Variants in PDE1C observed in about 807,000 individuals in gnomAD.
PDE1C encodes the protein phosphodiesterase 1C.
A neutral mutation model predicts 93.1 loss-of-function variants in PDE1C; 62 were observed. That is an observed-to-expected ratio of 0.67 (90% CI 0.54 to 0.82). PDE1C has a LOEUF of 0.82. Among genes scored for constraint, PDE1C ranks in the 40% least tolerant of loss-of-function variants. PDE1C has a pLI of 0.00. For synonymous variants in PDE1C, 325 were observed against 310.1 expected (o/e 1.05, Z -0.50); for missense variants, 742 against 884.6 (o/e 0.84, Z 2.04).
chr7:32,142,350 C>A (rs1250156947), intron 3 of PDE1C, among the ~76,000 whole-genome samples: 2 of 152,102 alleles, frequency 1.3e-5, no homozygotes, highest in Non-Finnish European at 2.9e-5. Flanking sequence ...GCAGTGCGGC[C>A]TGTGCACAGG....
chr7:32,075,232 A>G (rs190256436), upstream of PDE1C, among the ~76,000 whole-genome samples: 2 of 152,358 alleles, frequency 1.3e-5, no homozygotes. Flanking sequence ...TCTTTCAGCT[A>G]TGAGATGATG....
At chr7:32,206,072 G>A (rs116828945) in intron 2 of PDE1C, among the ~76,000 whole-genome samples, 487 of 152,160 alleles carry the variant, frequency 3.2e-3, no homozygotes, top group African/African-American at 0.011. Flanking sequence ...TTTTTAGAGG[G>A]GTAAGGTTAC....
the PDE1C span, chr7:31,696,884 G>A: frequency 4.8e-6 from 7 of 1,458,814 alleles, no homozygotes; most frequent in Non-Finnish European, 5.6e-6. Context: ...TTCACCAGAT[G>A]TCTATAAATA....
At chr7:31,667,761 G>T in the PDE1C span, among the ~76,000 whole-genome samples, 1 of 151,964 alleles carries the variant, frequency 6.6e-6, no homozygotes, top group African/African-American at 2.4e-5. Flanking sequence ...CTGTCATTGG[G>T]GTTGTAAGTT....
chr7:32,164,818 TC>T (rs1337682801), intron 3 of PDE1C, among the ~76,000 whole-genome samples: 1 of 152,188 alleles, frequency 6.6e-6, no homozygotes, highest in Non-Finnish European at 1.5e-5. Context: ...TTTCATGTTC[TC>T]TTGGGTCCTC....
chr7:32,269,034 C>G (rs1426983940), intron 1 of PDE1C, among the ~76,000 whole-genome samples: 1 of 152,230 alleles, frequency 6.6e-6, no homozygotes, highest in African/African-American at 2.4e-5. Flanking sequence ...ACTCAAGTCG[C>G]TCAAACTGAA....
chr7:32,179,215 A>G (rs532030878), intron 2 of PDE1C, among the ~76,000 whole-genome samples: 12 of 151,732 alleles, frequency 7.9e-5, no homozygotes, highest in African/African-American at 2.4e-4. Context: ...AATTTTTTAC[A>G]TAGGAAACAG....
chr7:31,675,058 A>G, the PDE1C span, among the ~76,000 whole-genome samples: 1 of 152,202 alleles, frequency 6.6e-6, no homozygotes, highest in African/African-American at 2.4e-5. Flanking sequence ...AAGACCATAG[A>G]GAGCCCCACT....
At chr7:32,277,837 C>T (rs1428837324) in intron 1 of PDE1C, among the ~76,000 whole-genome samples, 8 of 152,144 alleles carry the variant, frequency 5.3e-5, no homozygotes, top group Non-Finnish European at 1.2e-4. Context: ...TAGCACAACA[C>T]ATTTGTCTTA....
the PDE1C span, chr7:31,642,801 C>T: frequency 1.2e-6 from 2 of 1,613,984 alleles, no homozygotes; most frequent in Non-Finnish European, 1.7e-6. Context: ...GGCCAGATTC[C>T]AAAAGTAGGG....
chr7:32,397,300 T>C (rs1275274425), intron 1 of PDE1C, among the ~76,000 whole-genome samples: 1 of 152,088 alleles, frequency 6.6e-6, no homozygotes, highest in Non-Finnish European at 1.5e-5. Flanking sequence ...GTAAAAGACA[T>C]GAACAGAAAA....
At chr7:32,036,808 T>C (rs1372685468) in intron 2 of PDE1C, among the ~76,000 whole-genome samples, 1 of 152,154 alleles carries the variant, frequency 6.6e-6, no homozygotes, top group South Asian at 2.1e-4. Context: ...TATCCACATG[T>C]AGCTCCAGCA....
At chr7:32,125,718 G>C (rs1799536958) in intron 3 of PDE1C, among the ~76,000 whole-genome samples, 1 of 152,022 alleles carries the variant, frequency 6.6e-6, no homozygotes, top group Non-Finnish European at 1.5e-5. Flanking sequence ...GGGCCTGTTG[G>C]GGGTTGGGGG....
At chr7:32,392,514 C>T (rs557034421) in intron 1 of PDE1C, among the ~76,000 whole-genome samples, 4 of 152,002 alleles carry the variant, frequency 2.6e-5, no homozygotes, top group Admixed American at 6.6e-5. Context: ...CAATATCCCT[C>T]ATGAATAGAG....
intron 1 of PDE1C, among the ~76,000 whole-genome samples, chr7:32,344,285 A>G (rs1299762061): frequency 1.3e-5 from 2 of 152,146 alleles, no homozygotes; most frequent in Admixed American, 1.3e-4. Flanking sequence ...TATGCTGTCC[A>G]GGCTGGTCTC....
chr7:31,943,508 T>G (rs1434510404), intron 2 of PDE1C, among the ~76,000 whole-genome samples: 6 of 152,206 alleles, frequency 3.9e-5, no homozygotes, highest in African/African-American at 1.4e-4. Flanking sequence ...CCCATGGTAG[T>G]ATACCTAGAG....
intron 2 of PDE1C, among the ~76,000 whole-genome samples, chr7:32,022,411 G>C (rs1016493578): frequency 1.3e-5 from 2 of 151,988 alleles, no homozygotes; most frequent in Non-Finnish European, 2.9e-5. Flanking sequence ...CAACAGAGGA[G>C]GTAAGACTTG....
chr7:32,204,545 T>C (rs1265204761), intron 2 of PDE1C, among the ~76,000 whole-genome samples: 4 of 152,206 alleles, frequency 2.6e-5, no homozygotes, highest in African/African-American at 9.6e-5. Context: ...CAGCGTCTTT[T>C]ACGTCCTCTA....
At chr7:31,803,399 T>TTC (rs372230970) in intron 16 of PDE1C, among the ~76,000 whole-genome samples, 2,920 of 150,178 alleles carry the variant, frequency 0.019, 43 homozygotes, top group African/African-American at 0.041. Context: ...GCTTTTTCTT[T>TTC]TTATTATTAT....
Sources: gnomAD v4.1 joint callset for allele counts (sites outside exome capture counted in the v4.1 genomes callset) on GRCh38, gnomAD v4.1.1 for gene constraint, MANE v1.5 for transcripts, NCBI Gene and HGNC (gene_info 2026-07-23, HGNC 2026-07-21) for gene names.